Variants in TMEM135 observed in about 807,000 individuals in gnomAD.
TMEM135 encodes the protein peroxisomal membrane protein 52.
In TMEM135, 30 loss-of-function variants were observed where a neutral mutation model predicts 60.3. The observed-to-expected ratio is 0.50, with a 90% CI of 0.37 to 0.68. The LOEUF (loss-of-function observed/expected upper bound fraction) is 0.68. Ranked by LOEUF, TMEM135 falls within the 30% of genes least tolerant of loss-of-function variation. The probability of loss-of-function intolerance (pLI) is 0.00; values close to 1 mark genes in which losing one functional copy is unlikely to be tolerated. For missense variants in TMEM135, 468 were observed against 548.8 expected (o/e 0.85, Z 1.47); for synonymous variants, 190 against 186.7 (o/e 1.02, Z -0.14).
chr11:87,180,886 C>T lies in TMEM135; in HGVS notation c.462+23480C>T, dbSNP rs531303077. On this transcript the variant is annotated intron_variant, in intron 5 of 14. Coordinates refer to ENST00000305494, the MANE Select transcript of TMEM135 (RefSeq NM_022918.4). The stretch of plus-strand genomic sequence containing the variant: ...GTCAAAATGCAATATTCAAAGTCTC[C>T]CTCCCCTTTCTGGGATACACTCCAA... Among the ~76,000 whole-genome samples the T allele has an allele frequency of 2.0e-5, 3 of 152,254 alleles. No homozygotes were observed. The East Asian group carries it at 5.8e-4, about 29-fold the overall frequency.
chr11:87,166,610 G>C, intron 5 of TMEM135, among the ~76,000 whole-genome samples: 1 of 151,642 alleles, frequency 6.6e-6, no homozygotes. Flanking sequence ...AGATCAGATA[G>C]TTGTAGATGT....
chr11:87,060,547 A>T (rs903799653), intron 1 of TMEM135, among the ~76,000 whole-genome samples: 3 of 152,126 alleles, frequency 2.0e-5, no homozygotes, highest in Admixed American at 6.5e-5. Flanking sequence ...TTCAACATCA[A>T]TTGGTAGTTA....
intron 3 of TMEM135, among the ~76,000 whole-genome samples, chr11:87,072,747 T>C (rs917357927): frequency 2.0e-5 from 3 of 152,186 alleles, no homozygotes; most frequent in Admixed American, 6.6e-5. Flanking sequence ...AAATTTTCCA[T>C]GTGAATAAAT....
At chr11:87,289,435 A>C (rs1236196913) in intron 6 of TMEM135, among the ~76,000 whole-genome samples, 1 of 90,632 alleles carries the variant, frequency 1.1e-5, no homozygotes, top group Non-Finnish European at 2.0e-5. Flanking sequence ...ATATCTCCAT[A>C]TCTTTTTTTT....
At chr11:87,182,480 T>C (rs1379484820) in intron 5 of TMEM135, among the ~76,000 whole-genome samples, 4 of 152,160 alleles carry the variant, frequency 2.6e-5, no homozygotes, top group African/African-American at 4.8e-5. Context: ...ATGAGAAATA[T>C]GTGTTTGTGA....
chr11:87,314,366 CAA>C (rs1441916035), intron 11 of TMEM135, 103 bp from the exon 12 acceptor site: 3 of 925,352 alleles, frequency 3.2e-6, no homozygotes, highest in African/African-American at 3.3e-5. Flanking sequence ...TGTGTTGTAA[CAA>C]GAGATAGTGC....
intron 7 of TMEM135, among the ~76,000 whole-genome samples, chr11:87,299,187 A>C (rs1488749975): frequency 6.6e-6 from 1 of 152,228 alleles, no homozygotes; most frequent in African/African-American, 2.4e-5. Flanking sequence ...ACACTGCTAT[A>C]AAGATACTAC....
At chr11:87,142,946 A>C (rs1408769567) in intron 4 of TMEM135, among the ~76,000 whole-genome samples, 1 of 150,400 alleles carries the variant, frequency 6.6e-6, no homozygotes, top group Non-Finnish European at 1.5e-5. Flanking sequence ...TGGGACCTCA[A>C]TTACATGCAT....
intron 5 of TMEM135, among the ~76,000 whole-genome samples, chr11:87,179,639 G>A (rs1270742815): frequency 6.6e-6 from 1 of 152,008 alleles, no homozygotes; most frequent in African/African-American, 2.4e-5. Context: ...TTTTGCCTGT[G>A]TGTATTCAGT....
chr11:87,037,943 C>T lies in TMEM135; in HGVS notation c.-103C>T, dbSNP rs1325232824. On this transcript the variant is annotated 5_prime_UTR_variant, in exon 1 of 15. Coordinates refer to ENST00000305494, the MANE Select transcript of TMEM135 (RefSeq NM_022918.4). The stretch of plus-strand genomic sequence containing the variant: ...GTGACCTTTCCCCTCCATTCCGCAC[C>T]TCCGAGTGCTGGCCGGGCGAGAGGC... 1 of 1,559,572 alleles carries T rather than the reference C, an allele frequency of 6.4e-7. No individual in the cohort carries two copies. The highest frequency in any genetic ancestry group is 8.8e-7 in the Non-Finnish European group (1 of 1,140,846).
In TMEM135 at chr11:87,082,345, T is replaced by C. The variant is rs546135571; in HGVS notation, c.363-9017T>C. On this transcript the variant is annotated intron_variant, in intron 3 of 14. Transcript: ENST00000305494. Reference sequence around the variant, plus strand: ...ACCACGAATTTATGTAAGACTTCATTAAATATCAAGATCCATTAAAAGCTT... The same window carrying C: ...ACCACGAATTTATGTAAGACTTCATCAAATATCAAGATCCATTAAAAGCTT... Among the ~76,000 whole-genome samples, 8 of 152,326 alleles carry C rather than the reference T, an allele frequency of 5.3e-5. No individual in the cohort carries two copies. In the South Asian group the frequency reaches 1.0e-3, roughly 20 times the overall value.
chr11:87,087,824 C>T (rs569831261), intron 3 of TMEM135, among the ~76,000 whole-genome samples: 11 of 152,254 alleles, frequency 7.2e-5, no homozygotes, highest in East Asian at 5.8e-4. Context: ...GCAACCTCTG[C>T]GTCCTTGGTT....
At chr11:87,054,881 C>T (rs970138343) in intron 1 of TMEM135, among the ~76,000 whole-genome samples, 5 of 152,106 alleles carry the variant, frequency 3.3e-5, no homozygotes, top group African/African-American at 7.2e-5. Context: ...CTGTGTGCCC[C>T]TGGCTGCATT....
At chr11:87,042,625 G>A (rs1361929605) in intron 1 of TMEM135, among the ~76,000 whole-genome samples, 2 of 152,096 alleles carry the variant, frequency 1.3e-5, no homozygotes, top group East Asian at 3.9e-4. Context: ...TGTATTCTGA[G>A]CCCCAACATG....
chr11:87,256,068 G>A (rs1941522914), intron 6 of TMEM135, among the ~76,000 whole-genome samples: 1 of 152,132 alleles, frequency 6.6e-6, no homozygotes, highest in Non-Finnish European at 1.5e-5. Context: ...ACCCTAAGGG[G>A]TAGATTACTC....
chr11:87,292,195 TGAC>T (rs1942277562), intron 6 of TMEM135, among the ~76,000 whole-genome samples: 1 of 152,242 alleles, frequency 6.6e-6, no homozygotes, highest in South Asian at 2.1e-4. Context: ...TAATGAAGCC[TGAC>T]TACGTCACTG....
At chr11:87,221,705 A>T (rs986575466) in intron 5 of TMEM135, among the ~76,000 whole-genome samples, 7 of 152,204 alleles carry the variant, frequency 4.6e-5, no homozygotes, top group Admixed American at 2.0e-4. Context: ...TTTGGAATTC[A>T]TAACTAAGAG....
intron 4 of TMEM135, among the ~76,000 whole-genome samples, chr11:87,098,850 G>A (rs1002429436): frequency 5.9e-5 from 9 of 151,816 alleles, no homozygotes; most frequent in African/African-American, 1.2e-4. Flanking sequence ...CACCACGCCC[G>A]GCTAATTTTT....
intron 5 of TMEM135, among the ~76,000 whole-genome samples, chr11:87,207,440 C>T (rs951361490): frequency 2.0e-5 from 3 of 152,032 alleles, no homozygotes; most frequent in African/African-American, 7.2e-5. Context: ...CCTTAGATCT[C>T]CTTTTGGGAT....
Sources: allele counts gnomAD v4.1 joint callset (sites outside exome capture counted in the v4.1 genomes callset), GRCh38; gene constraint gnomAD v4.1.1; transcripts MANE v1.5; gene names NCBI Gene and HGNC (gene_info 2026-07-23, HGNC 2026-07-21).